AASDH: variants seen among roughly 807,000 people sequenced by gnomAD.
AASDH encodes aminoadipate-semialdehyde dehydrogenase.
In AASDH, 81 loss-of-function variants were observed where a neutral mutation model predicts 102.3. The observed-to-expected ratio is 0.79, with a 90% CI of 0.66 to 0.95. The LOEUF (loss-of-function observed/expected upper bound fraction) is 0.95, where lower values mean the gene tolerates loss of function less well. Ranked by LOEUF, AASDH falls within the 40% of genes least tolerant of loss-of-function variation. The pLI, the probability that AASDH is intolerant of heterozygous loss-of-function variation, is 0.00. For synonymous variants in AASDH, 398 were observed against 454.0 expected (o/e 0.88, Z 1.57); for missense variants, 1,203 against 1,266.2 (o/e 0.95, Z 0.76).
chr4:56,370,684 T>C (rs1751585451), intron 5 of AASDH, among the ~76,000 whole-genome samples: 1 of 152,208 alleles, frequency 6.6e-6, no homozygotes. Context: ...ATGTCTGTTG[T>C]TTATAAGCTA....
chr4:56,377,421 A>G (rs987193454), intron 4 of AASDH, among the ~76,000 whole-genome samples: 7 of 152,228 alleles, frequency 4.6e-5, no homozygotes, highest in African/African-American at 1.7e-4. Context: ...ATGGTTCCCC[A>G]TCATCTACTG....
Position 56,353,581 on chromosome 4 carries a change from G to A in AASDH, c.1399C>T (p.Gln467Ter). Residue 467 changes from glutamine to a stop codon, truncating the protein, a stop_gained, in exon 9 of 15, where the codon CAG (glutamine) becomes TAG (stop). Coordinates refer to ENST00000205214, the MANE Select transcript of AASDH (RefSeq NM_181806.4). LOFTEE classifies it high-confidence loss of function. ...GTAACTGCACAAGACTCCACTTGCT[G>A]AAGCTCTTCAGCAACCTATAAGAGA... ...ELVQQVAEEL[Q>*]QVESCAVTWY... 1 of 1,610,658 alleles carries A rather than the reference G, an allele frequency of 6.2e-7. No homozygotes were observed. The highest frequency in any genetic ancestry group is 8.5e-7 in the Non-Finnish European group (1 of 1,179,500).
rs761839665 is a variant in AASDH at position 56,338,499 on chromosome 4, A to ACTT, written c.3197_3199dup (p.Glu1066dup). On this transcript the variant is annotated inframe_insertion, in exon 15 of 15. Coordinates refer to ENST00000205214, the MANE Select transcript of AASDH (RefSeq NM_181806.4). ...TTCCAGGACCACAGGAGAAGAGAAG[A>ACTT]CTTCTCCAGGAAGTTCATAAACACT... 16 of 1,613,728 alleles carry ACTT rather than the reference A, an allele frequency of 9.9e-6. No individual in the cohort carries two copies. The highest frequency in any genetic ancestry group is 1.3e-5 in the African/African-American group (1 of 74,918).
chr4:56,383,017 G>A (rs867802197), intron 2 of AASDH, among the ~76,000 whole-genome samples: 1 of 152,160 alleles, frequency 6.6e-6, no homozygotes, highest in Non-Finnish European at 1.5e-5. Context: ...AGATCACGCC[G>A]TTGCACTCCA....
Position 56,338,293 on chromosome 4 carries a change from C to CTT in AASDH, c.*107_*108dup. 2.3e-6 allele frequency: 3 copies of CTT among 1,284,848 alleles called. No individual in the cohort carries two copies. The highest frequency in any genetic ancestry group is 3.2e-6 in the Non-Finnish European group (3 of 945,914). The allele number at this position is 1,284,848 out of a possible 1,614,324, so 79.6% of individuals were successfully genotyped here. On this transcript the variant is annotated 3_prime_UTR_variant, in exon 15 of 15. Coordinates refer to ENST00000205214, the MANE Select transcript of AASDH (RefSeq NM_181806.4). ...ATCAAGTGTAGACAAGTTTCCGTTT[C>CTT]TTAGCCAAAATATAATCTTCTTTAA...
chr4:56,341,446 G>A (rs182459124), intron 14 of AASDH, among the ~76,000 whole-genome samples: 2,222 of 135,114 alleles, frequency 0.016, 65 homozygotes, highest in African/African-American at 0.06. Context: ...AGGCTGGAGT[G>A]CAGTGGCACA....
At chr4:56,350,153 C>T in intron 10 of AASDH, 95 bp from the exon 11 acceptor site, 2 of 1,074,820 alleles carry the variant, frequency 1.9e-6, no homozygotes, top group Non-Finnish European at 1.3e-6. Flanking sequence ...AGAGTACCTA[C>T]ATTAATAATT....
At chr4:56,353,082 C>A (rs1234263449) in intron 9 of AASDH, among the ~76,000 whole-genome samples, 1 of 151,782 alleles carries the variant, frequency 6.6e-6, no homozygotes, top group East Asian at 1.9e-4. Context: ...GCACACTGTG[C>A]CCTCAAACTC....
intron 5 of AASDH, among the ~76,000 whole-genome samples, chr4:56,366,542 C>G (rs1751035935): frequency 1.3e-5 from 2 of 152,178 alleles, no homozygotes; most frequent in African/African-American, 4.8e-5. Context: ...GGGCTTCATC[C>G]CTAGGATGCA....
chr4:56,356,346 A>C lies in AASDH; in HGVS notation c.862-923T>G, dbSNP rs556184203. On this transcript the variant is annotated intron_variant, in intron 5 of 14. Coordinates refer to ENST00000205214, the MANE Select transcript of AASDH (RefSeq NM_181806.4). ...CAGCGGCAGAGAGCCATCCCTCAAT[A>C]AGCGGCTGAAAGTGCCTCCTGCGAT... 6 of 1,575,862 alleles carry C rather than the reference A, an allele frequency of 3.8e-6. No homozygotes were observed. In the East Asian group the frequency reaches 1.3e-4, roughly 35 times the overall value.
At chr4:56,357,040 CTTTA>C in intron 5 of AASDH, 1 of 330,128 alleles carries the variant, frequency 3.0e-6, no homozygotes, top group South Asian at 4.8e-5. Flanking sequence ...ATAACAAAAG[CTTTA>C]TTGAGATATA....
chr4:56,359,893 ATCCCATGT>A (rs1408599097), intron 5 of AASDH, among the ~76,000 whole-genome samples: 5 of 152,160 alleles, frequency 3.3e-5, no homozygotes, highest in Non-Finnish European at 5.9e-5. Context: ...CTTATGAGTC[ATCCCATGT>A]GTAGAAAGCA....
rs1035282959 is a variant in AASDH, at chr4:56,364,323, A to T, written c.861+7128T>A. On this transcript the variant is annotated intron_variant, in intron 5 of 14. Transcript: ENST00000205214. ...GATATTATCAAGGAGAACTTCCCCA[A>T]TCTAGTAAGGCAGGCCAACATTCAC... 1.8e-4 allele frequency among the ~76,000 whole-genome samples: 27 copies of T among 152,322 alleles called. 1 individual carries two copies. Among genetic ancestry groups the T allele is most frequent in the Admixed American group, 1.7e-3 (26 of 15,294 alleles).
chr4:56,350,301 G>A (rs936750177), intron 10 of AASDH, among the ~76,000 whole-genome samples: 5 of 151,928 alleles, frequency 3.3e-5, no homozygotes, highest in Admixed American at 1.3e-4. Context: ...CTAAAACCAC[G>A]AAAATTAGCT....
Position 56,387,439 on chromosome 4 carries a change from AAGC to A in AASDH, c.-123_-121del. On this transcript the variant is annotated 5_prime_UTR_variant, in exon 1 of 15. Transcript: ENST00000205214. ...CTCGTCGCGGATACTTCTCACAGCG[AAGC>A]AGCAGCTCCCAGAAGCCGTAAAGCT... 1 of 152,372 alleles carries A rather than the reference AAGC, an allele frequency of 6.6e-6. No individual in the cohort carries two copies. Among genetic ancestry groups the A allele is most frequent in the East Asian group, 1.9e-4 (1 of 5,180 alleles). The allele number at this position is 152,372 out of a possible 1,614,324, so 9.4% of individuals were successfully genotyped here. A position where few individuals can be genotyped will look rare whatever the true frequency, so the allele number is the denominator to read the frequency against.
chr4:56,359,093 TTTG>T (rs1047438127), intron 5 of AASDH, among the ~76,000 whole-genome samples: 10 of 144,198 alleles, frequency 6.9e-5, no homozygotes, highest in African/African-American at 1.5e-4. Flanking sequence ...CTTGCTTTTT[TTTG>T]TTGTTGTTGT....
intron 4 of AASDH, among the ~76,000 whole-genome samples, chr4:56,375,294 G>A (rs958974646): frequency 6.6e-6 from 1 of 152,064 alleles, no homozygotes; most frequent in Non-Finnish European, 1.5e-5. Context: ...AATATTTGGG[G>A]AGCCAGCAAC....
intron 8 of AASDH, 33 bp from the exon 9 acceptor site, chr4:56,353,629 G>A: frequency 2.6e-6 from 4 of 1,527,298 alleles, no homozygotes; most frequent in East Asian, 2.3e-5. Flanking sequence ...TTGCCAATGA[G>A]GATATTTACA....
intron 4 of AASDH, among the ~76,000 whole-genome samples, chr4:56,377,585 T>C (rs895294996): frequency 2.0e-5 from 3 of 152,188 alleles, no homozygotes; most frequent in Non-Finnish European, 4.4e-5. Flanking sequence ...TTTTTATTAA[T>C]AATTAAGATG....
Sources: gnomAD v4.1 joint callset for allele counts (sites outside exome capture counted in the v4.1 genomes callset) on GRCh38, gnomAD v4.1.1 for gene constraint, MANE v1.5 for transcripts, NCBI Gene and HGNC (gene_info 2026-07-23, HGNC 2026-07-21) for gene names.